DYNC2H1: variants seen among roughly 807,000 people sequenced by gnomAD.
DYNC2H1 encodes dynein cytoplasmic 2 heavy chain 1.
DYNC2H1 carries 410 observed loss-of-function variants against 570.0 expected under a neutral mutation model. The ratio of observed to expected loss-of-function variants is 0.72; its 90% CI spans 0.66 to 0.78. The LOEUF is 0.78. DYNC2H1 is among the 30% of genes least tolerant of loss of function. The pLI is 0.00. For missense variants in DYNC2H1, 4,865 were observed against 5,046.4 expected (o/e 0.96, Z 1.09); for synonymous variants, 1,688 against 1,677.6 (o/e 1.01, Z -0.15).
At chr11:103,182,224 A>G (rs1861879983) in intron 40 of DYNC2H1, among the ~76,000 whole-genome samples, 1 of 150,708 alleles carries the variant, frequency 6.6e-6, no homozygotes. Flanking sequence ...ATACCTATAT[A>G]TATGACATAT....
intron 84 of DYNC2H1, among the ~76,000 whole-genome samples, chr11:103,409,258 T>C (rs1157765152): frequency 6.6e-6 from 1 of 152,060 alleles, no homozygotes; most frequent in Non-Finnish European, 1.5e-5. Flanking sequence ...CTTATTAATA[T>C]TAGGCTGTTA....
In DYNC2H1 at chr11:103,319,327, A is replaced by G. The variant is rs1253267287; in HGVS notation, c.11726-1702A>G. Reference sequence around the variant, plus strand: ...GACATGAAGGAACTTCCACATGTATAGAATTAAATGCCAAAAAAGAGAAAA... The same window carrying G: ...GACATGAAGGAACTTCCACATGTATGGAATTAAATGCCAAAAAAGAGAAAA... On this transcript the variant is annotated intron_variant, in intron 80 of 88. Coordinates refer to ENST00000375735, the MANE Select transcript of DYNC2H1 (RefSeq NM_001377.3). This position sits in a 1 kb window ranked among gnomAD's most constrained non-coding sequence, Gnocchi z 4.3. Among the ~76,000 whole-genome samples, 1 of 152,202 alleles carries G rather than the reference A, an allele frequency of 6.6e-6. No homozygotes were observed. Among genetic ancestry groups the G allele is most frequent in the Admixed American group, 6.5e-5 (1 of 15,286 alleles).
chr11:103,238,582 TACACAC>T (rs10571344), intron 63 of DYNC2H1, among the ~76,000 whole-genome samples: 4 of 150,034 alleles, frequency 2.7e-5, no homozygotes, highest in Non-Finnish European at 5.9e-5. Context: ...CACACACACA[TACACAC>T]ACACACACAC....
At position 103,446,602 on chromosome 11, in the gene DYNC2H1, T is replaced by C. The variant is rs1036051440; in HGVS notation, c.12457-8584T>C. ...TATAGACAGTTTTTTCAGGGAGTTG[T>C]GTTATGAAGTAACACAGATGAATAG... is the stretch of plus-strand genomic sequence containing the variant. On this transcript the variant is annotated intron_variant, in intron 85 of 88. Transcript: ENST00000375735. This position sits in a 1 kb window ranked among gnomAD's most constrained non-coding sequence, Gnocchi z 4.5. 1.3e-5 allele frequency among the ~76,000 whole-genome samples: 2 copies of C among 152,152 alleles called. No homozygotes were observed. The highest frequency in any genetic ancestry group is 4.8e-5 in the African/African-American group (2 of 41,444).
chr11:103,458,052 T>C (rs1405305825), intron 87 of DYNC2H1, among the ~76,000 whole-genome samples: 1 of 152,244 alleles, frequency 6.6e-6, no homozygotes, highest in Non-Finnish European at 1.5e-5. Flanking sequence ...GTTTATAAAG[T>C]CTACAGTAAT....
rs1322838819 is a variant in DYNC2H1, at chr11:103,253,420, C to A, written c.10178C>A (p.Thr3393Asn). Reference protein sequence around the residue: ...AASIVTEVNFTTTRSGLRGQL... With the variant: ...AASIVTEVNFNTTRSGLRGQL... Reference sequence around the variant, plus strand: ...TCCATTGTTACTGAGGTTAACTTTACTACAACAAGAAGTGGATTACGAGGG... The same window carrying A: ...TCCATTGTTACTGAGGTTAACTTTAATACAACAAGAAGTGGATTACGAGGG... The change falls in exon 66 of 89, where the codon ACT becomes AAT. Residue 3393 changes from threonine to asparagine, a missense_variant. Thr to Asn is a moderately conservative substitution (Grantham distance 65). Transcript: ENST00000375735. 1 of 1,612,796 alleles carries A rather than the reference C, an allele frequency of 6.2e-7. No individual in the cohort carries two copies. The highest frequency in any genetic ancestry group is 8.5e-7 in the Non-Finnish European group (1 of 1,179,310).
intron 53 of DYNC2H1, among the ~76,000 whole-genome samples, chr11:103,211,199 C>A (rs1863141379): frequency 1.6e-4 from 1 of 6,154 alleles, no homozygotes; most frequent in Non-Finnish European, 3.0e-4. Flanking sequence ...AAGAAAGAGT[C>A]GAGGATGTTT....
intron 13 of DYNC2H1, among the ~76,000 whole-genome samples, chr11:103,132,299 TTC>T: frequency 6.6e-6 from 1 of 152,268 alleles, no homozygotes; most frequent in South Asian, 2.1e-4. Flanking sequence ...AGTTTTACAT[TTC>T]TGTTACTGTA....
At chr11:103,460,810 T>TATAAAGTTCTGTATATCC (rs1388455827) in intron 87 of DYNC2H1, among the ~76,000 whole-genome samples, 1 of 151,960 alleles carries the variant, frequency 6.6e-6, no homozygotes, top group Non-Finnish European at 1.5e-5. Context: ...TATGTTTTCA[T>TATAAAGTTCTGTATATCC]ATAAAGTTCT....
In DYNC2H1 at chr11:103,280,393, C is replaced by T; in HGVS notation, c.10741C>T (p.Pro3581Ser). 6.4e-7 allele frequency: 1 copy of T among 1,554,908 alleles called. No individual in the cohort carries two copies. Among genetic ancestry groups the T allele is most frequent in the Non-Finnish European group, 8.7e-7 (1 of 1,147,994 alleles). Residue 3581 changes from proline to serine, a missense_variant, in exon 71 of 89, where the codon CCT (proline) becomes TCT (serine). Around this residue, in one of 5 missense-constraint regions of DYNC2H1, gnomAD observed 2,401 missense variants for 2,454.6 expected, o/e 0.98. Transcript: ENST00000375735. This position sits in a 1 kb window ranked among gnomAD's most constrained non-coding sequence, Gnocchi z 4.7. The part of the protein sequence containing the change: ...FALHFVRGMH[P>S]ELFQENEWDT... ...TTTGCATTTTGTTCGAGGCATGCAT[C>T]CTGAACTTTTTCAAGAAAATGTAAG... is the stretch of plus-strand genomic sequence containing the variant.
At chr11:103,365,331 A>T (rs1940855013) in intron 83 of DYNC2H1, among the ~76,000 whole-genome samples, 1 of 151,614 alleles carries the variant, frequency 6.6e-6, no homozygotes, top group South Asian at 2.1e-4. Flanking sequence ...ATTGCACTCC[A>T]GCCTGGGCAA....
rs1359363907 is a variant in DYNC2H1, at chr11:103,145,385, T to C, written c.2702+1990T>C. Among the ~76,000 whole-genome samples, 1 of 152,166 alleles carries C rather than the reference T, an allele frequency of 6.6e-6. No homozygotes were observed. The highest frequency in any genetic ancestry group is 1.5e-5 in the Non-Finnish European group (1 of 68,022). ...TAAGGAAAAGATAGTGCTTTTGTAG[T>C]GCTTGCACATGGGGTTTTTCTTCTC... On this transcript the variant is annotated intron_variant, in intron 18 of 88. Coordinates refer to ENST00000375735, the MANE Select transcript of DYNC2H1 (RefSeq NM_001377.3). This position sits in a 1 kb window ranked among gnomAD's most constrained non-coding sequence, Gnocchi z 4.2.
At chr11:103,147,993 G>C in intron 19 of DYNC2H1, 106 bp downstream of exon 19, 1 of 769,556 alleles carries the variant, frequency 1.3e-6, no homozygotes, top group Non-Finnish European at 2.0e-6. Context: ...AACCAAAACT[G>C]AACTAATTTA....
Position 103,158,770 on chromosome 11 carries a change from G to T in DYNC2H1, c.4221G>T (p.Gln1407His). 6.7e-7 allele frequency: 1 copy of T among 1,501,044 alleles called. No homozygotes were observed. Among genetic ancestry groups the T allele is most frequent in the Non-Finnish European group, 9.0e-7 (1 of 1,111,876 alleles). 93.0% of individuals were successfully genotyped at this position (1,501,044 alleles called of 1,614,324 possible). The change falls in exon 27 of 89, where the codon CAG becomes CAT. Residue 1407 changes from glutamine (Q) to histidine (H), a missense_variant. Coordinates refer to ENST00000375735, the MANE Select transcript of DYNC2H1 (RefSeq NM_001377.3). ...ATTCTCTACTAACAATACTTGATCA[G>T]CTTCAAAGATGTCAGAAATCATTAA... Reference protein sequence around the residue: ...IRNSLLTILDQLQRCQKSLNE... With the variant: ...IRNSLLTILDHLQRCQKSLNE...
chr11:103,431,271 A>C (rs1027260296), intron 84 of DYNC2H1, among the ~76,000 whole-genome samples: 1 of 151,760 alleles, frequency 6.6e-6, no homozygotes, highest in Admixed American at 6.6e-5. Context: ...GTAAGCCTTA[A>C]TGTCTCCATG....
In DYNC2H1 at chr11:103,181,744, T is replaced by C; in HGVS notation, c.6348-13T>C. ...CTTCCTAAGTAATTTTTTATTTGTC[T>C]AAACTGTTTCAGTGATGAAGAGACA... On this transcript the variant is annotated splice_polypyrimidine_tract_variant and intron_variant, in intron 39 of 88. Transcript: ENST00000375735. This position sits in a 1 kb window ranked among gnomAD's most constrained non-coding sequence, Gnocchi z 5.0. 2 of 1,542,688 alleles carry C rather than the reference T, an allele frequency of 1.3e-6. No homozygotes were observed. Among genetic ancestry groups the C allele is most frequent in the Non-Finnish European group, 1.7e-6 (2 of 1,143,440 alleles).
At chr11:103,421,824 C>T (rs1943498818) in intron 84 of DYNC2H1, among the ~76,000 whole-genome samples, 1 of 151,138 alleles carries the variant, frequency 6.6e-6, no homozygotes, top group Non-Finnish European at 1.5e-5. Flanking sequence ...AAACAAACTG[C>T]AAAGCTAGCA....
chr11:103,164,360 A>G (rs1861214068), intron 30 of DYNC2H1, among the ~76,000 whole-genome samples: 2 of 152,240 alleles, frequency 1.3e-5, no homozygotes, highest in African/African-American at 2.4e-5. Flanking sequence ...TAAATAGTTC[A>G]TTATCTACTA....
chr11:103,237,279 T>C (rs990561839), intron 63 of DYNC2H1, among the ~76,000 whole-genome samples: 25 of 152,118 alleles, frequency 1.6e-4, no homozygotes, highest in African/African-American at 5.8e-4. Context: ...GCCTACACAC[T>C]ATTTCCTTAT....
Sources: allele counts gnomAD v4.1 joint callset (sites outside exome capture counted in the v4.1 genomes callset), GRCh38; gene constraint gnomAD v4.1.1; regional missense constraint gnomAD v4.1.1; non-coding constraint Gnocchi (gnomAD v3.1); transcripts MANE v1.5; gene names NCBI Gene and HGNC (gene_info 2026-07-23, HGNC 2026-07-21).